IL34: variants seen among roughly 807,000 people sequenced by gnomAD.
IL34 encodes interleukin 34, also known as interleukin-34.
Under a neutral mutation model 25.3 loss-of-function variants are expected in IL34, and 17 were observed. That is an observed-to-expected ratio of 0.67 (90% CI 0.46 to 1.01). The LOEUF is 1.01. Ranked by LOEUF, IL34 falls within the 50% of genes least tolerant of loss-of-function variation. The pLI is 0.00. For missense variants in IL34, 368 were observed against 312.9 expected (o/e 1.18, Z -1.33); for synonymous variants, 174 against 140.9 (o/e 1.23, Z -1.66).
At chr16:70,638,809 T>C (rs898903697) in intron 1 of IL34, among the ~76,000 whole-genome samples, 1 of 152,170 alleles carries the variant, frequency 6.6e-6, no homozygotes, top group African/African-American at 2.4e-5. Context: ...CTCATACTCC[T>C]GGGCTCAAGC....
At chr16:70,591,483 C>T (rs993502914) in intron 1 of IL34, among the ~76,000 whole-genome samples, 2 of 151,086 alleles carry the variant, frequency 1.3e-5, no homozygotes, top group Admixed American at 6.6e-5. Context: ...GTGGGAGGAT[C>T]GCATGAACCC....
Position 70,660,474 on chromosome 16 carries a change from A to C in IL34, c.*287A>C. ...GCTGCCCTCACTGTCCCCCCGCCTA[A>C]AGGGGGTACTGAGCCTCCTGTGGCC... On this transcript the variant is annotated 3_prime_UTR_variant, in exon 6 of 6. Coordinates refer to ENST00000288098, the MANE Select transcript of IL34 (RefSeq NM_001393494.1). 3.0e-6 allele frequency: 1 copy of C among 338,198 alleles called. No individual in the cohort carries two copies. Among genetic ancestry groups the C allele is most frequent in the Non-Finnish European group, 5.4e-6 (1 of 186,664 alleles). The allele number at this position is 338,198 out of a possible 1,614,324, so 20.9% of individuals were successfully genotyped here.
chr16:70,640,572 C>T (rs955881971), intron 1 of IL34, among the ~76,000 whole-genome samples: 3 of 149,488 alleles, frequency 2.0e-5, no homozygotes, highest in South Asian at 2.1e-4. Context: ...TGTAGTGAGC[C>T]GAGATCTTGC....
intron 1 of IL34, among the ~76,000 whole-genome samples, chr16:70,632,136 C>A (rs1291809566): frequency 6.6e-6 from 1 of 151,758 alleles, no homozygotes; most frequent in Non-Finnish European, 1.5e-5. Flanking sequence ...ATAATAGTTC[C>A]CAACTCCAGC....
intron 1 of IL34, among the ~76,000 whole-genome samples, chr16:70,636,895 T>C (rs970389622): frequency 6.6e-6 from 1 of 152,190 alleles, no homozygotes; most frequent in Non-Finnish European, 1.5e-5. Context: ...TTATTTTTTT[T>C]TTGAGACGGG....
At chr16:70,626,082 C>T (rs890109097) in intron 1 of IL34, among the ~76,000 whole-genome samples, 4 of 152,188 alleles carry the variant, frequency 2.6e-5, no homozygotes, top group Admixed American at 2.0e-4. Context: ...TTTATTTCAC[C>T]TGGGTGCAGG....
At chr16:70,643,867 T>A (rs1337730166), upstream of IL34, among the ~76,000 whole-genome samples, 5 of 152,224 alleles carry the variant, frequency 3.3e-5, no homozygotes, top group Non-Finnish European at 7.3e-5. Flanking sequence ...TTATATATTT[T>A]AAAAATCCCT....
At chr16:70,584,093 T>C in intron 1 of IL34, among the ~76,000 whole-genome samples, 1 of 152,174 alleles carries the variant, frequency 6.6e-6, no homozygotes, top group East Asian at 1.9e-4. Flanking sequence ...GAGAGACATC[T>C]CGTCCCAGAT....
At chr16:70,639,319 C>T (rs961633317) in intron 1 of IL34, among the ~76,000 whole-genome samples, 3 of 152,302 alleles carry the variant, frequency 2.0e-5, no homozygotes, top group Middle Eastern at 3.4e-3. Context: ...ACAAATTACA[C>T]GGGCCTGGAG....
At position 70,634,051 on chromosome 16, in the gene IL34, A is replaced by G. The variant is rs553914458; in HGVS notation, c.-400-12497A>G. ...TTTTTAGTAGAGACGGGGTTTCACC[A>G]TGTTGGCCAGGCTAGTCTCAAACAC... On this transcript the variant is annotated intron_variant, in intron 1 of 6. Coordinates refer to the IL34 transcript ENST00000429149. Among the ~76,000 whole-genome samples the G allele has an allele frequency of 3.3e-5, 5 of 151,942 alleles. No individual in the cohort carries two copies. In the South Asian group the frequency reaches 1.0e-3, roughly 32 times the overall value.
At chr16:70,644,476 G>T (rs2051859458), upstream of IL34, among the ~76,000 whole-genome samples, 1 of 151,914 alleles carries the variant, frequency 6.6e-6, no homozygotes, top group Non-Finnish European at 1.5e-5. Flanking sequence ...GAATTTTTTG[G>T]GTAGATGGAA....
chr16:70,645,463 A>AAGAGAACTAAATC (rs1399114575), upstream of IL34, among the ~76,000 whole-genome samples: 1 of 152,150 alleles, frequency 6.6e-6, no homozygotes, highest in African/African-American at 2.4e-5. Flanking sequence ...GAGGGGATGG[A>AAGAGAACTAAATC]AGAGAACTAA....
chr16:70,587,184 G>T (rs1420458587), intron 1 of IL34, among the ~76,000 whole-genome samples: 7 of 152,090 alleles, frequency 4.6e-5, no homozygotes, highest in Admixed American at 3.9e-4. Context: ...AGGCCCTAGG[G>T]TGGCCACTGA....
At chr16:70,586,536 A>G (rs2050696768) in intron 1 of IL34, among the ~76,000 whole-genome samples, 1 of 152,176 alleles carries the variant, frequency 6.6e-6, no homozygotes, top group Non-Finnish European at 1.5e-5. Context: ...AGCCTGGGTG[A>G]CAGAGCAAGA....
intron 1 of IL34, among the ~76,000 whole-genome samples, chr16:70,601,461 G>A (rs2050916252): frequency 6.6e-6 from 1 of 152,038 alleles, no homozygotes; most frequent in African/African-American, 2.4e-5. Flanking sequence ...GCCCAGGCTG[G>A]AGTTCAGTGG....
intron 1 of IL34, among the ~76,000 whole-genome samples, chr16:70,594,935 ATCTCTCTC>A (rs1195224912): frequency 2.1e-4 from 30 of 145,310 alleles, no homozygotes; most frequent in African/African-American, 6.3e-4. Context: ...ATTTCAATTT[ATCTCTCTC>A]TCTCTCTCTC....
At chr16:70,631,728 C>T (rs1021985095) in intron 1 of IL34, among the ~76,000 whole-genome samples, 8 of 152,024 alleles carry the variant, frequency 5.3e-5, no homozygotes, top group African/African-American at 1.9e-4. Context: ...GTACTTAATC[C>T]CTAGAAGCAG....
intron 5 of IL34, 43 bp downstream of exon 5, chr16:70,659,796 G>A: frequency 6.4e-7 from 1 of 1,570,430 alleles, no homozygotes. Flanking sequence ...TGGGAGGCCA[G>A]GCATCTGGGC....
rs766924621 is a variant in IL34 at position 70,581,740 on chromosome 16, C to T, written c.-401+1691C>T. On this transcript the variant is annotated intron_variant, in intron 1 of 6. Coordinates refer to the IL34 transcript ENST00000429149. ...GCTGCCTGACCATGAACTTCCACCACGTAACTTCATTGTGCCTCAGTTAGT... is the reference window on the plus strand; with the variant it reads ...GCTGCCTGACCATGAACTTCCACCATGTAACTTCATTGTGCCTCAGTTAGT... 2.6e-5 allele frequency among the ~76,000 whole-genome samples: 4 copies of T among 152,086 alleles called. No individual in the cohort carries two copies. In the South Asian group the frequency reaches 6.2e-4, roughly 24 times the overall value.
Sources: gnomAD v4.1 joint callset for allele counts (sites outside exome capture counted in the v4.1 genomes callset) on GRCh38, gnomAD v4.1.1 for gene constraint, MANE v1.5 for transcripts, NCBI Gene and HGNC (gene_info 2026-07-23, HGNC 2026-07-21) for gene names.